Variants in FOXP2 observed in about 807,000 individuals in gnomAD.
FOXP2 encodes forkhead box protein P2.
Under a neutral mutation model 115.8 loss-of-function variants are expected in FOXP2, and 12 were observed. The ratio of observed to expected loss-of-function variants is 0.10; its 90% CI spans 0.07 to 0.17. FOXP2 has a LOEUF of 0.17. FOXP2 is among the 10% of genes least tolerant of loss of function. The pLI, the probability that FOXP2 is intolerant of heterozygous loss-of-function variation, is 1.00. For missense variants in FOXP2, 629 were observed against 843.5 expected (o/e 0.75, Z 3.15); for synonymous variants, 328 against 297.7 (o/e 1.10, Z -1.05).
At chr7:114,092,910 A>C (rs1053980739) in intron 1 of FOXP2, among the ~76,000 whole-genome samples, 1 of 152,060 alleles carries the variant, frequency 6.6e-6, no homozygotes, top group African/African-American at 2.4e-5. Flanking sequence ...TTCTATACAT[A>C]TAGTTTGTAC....
chr7:114,345,111 C>G (rs1165664242), intron 2 of FOXP2, among the ~76,000 whole-genome samples: 3 of 151,634 alleles, frequency 2.0e-5, no homozygotes, highest in African/African-American at 7.3e-5. Context: ...AATAGGGATA[C>G]TGAAAATACA....
chr7:114,654,029 T>C lies in FOXP2; in HGVS notation c.1266+20T>C, dbSNP rs754496142. The C allele has an allele frequency of 1.2e-6, 2 of 1,613,100 alleles. No individual in the cohort carries two copies. The highest frequency in any genetic ancestry group is 2.2e-5 in the South Asian group (2 of 91,076). ...AAACCTGTAAGTGCATATTGCTTTA[T>C]AAACAGTAAATAGCTCTACCAATGT... On this transcript the variant is annotated intron_variant, in intron 10 of 16. Transcript: ENST00000350908.
chr7:114,396,551 TA>T (rs1463483851), intron 2 of FOXP2, among the ~76,000 whole-genome samples: 1 of 152,118 alleles, frequency 6.6e-6, no homozygotes, highest in Non-Finnish European at 1.5e-5. Flanking sequence ...AATTTTTTTT[TA>T]GTAACTTCCA....
At chr7:114,439,298 T>C (rs1794494886) in intron 2 of FOXP2, among the ~76,000 whole-genome samples, 1 of 152,148 alleles carries the variant, frequency 6.6e-6, no homozygotes, top group Non-Finnish European at 1.5e-5. Context: ...ATTTCAGTCT[T>C]ATTTTATGAA....
In FOXP2 at chr7:114,163,539, G is replaced by A. The variant is rs75517131; in HGVS notation, c.-102+451G>A. Among the ~76,000 whole-genome samples the A allele has an allele frequency of 5.5e-3, 831 of 151,908 alleles. 6 individuals are homozygous for A. Among genetic ancestry groups the A allele is most frequent in the African/African-American group, 0.019 (774 of 41,432 alleles). On this transcript the variant is annotated intron_variant, in intron 1 of 17. Transcript: ENST00000634411. ...ATACATTAATTTCTTTATTCACTCC[G>A]TGTGGTGAAACTGAATTGAACTGAA... is the stretch of plus-strand genomic sequence containing the variant.
intron 1 of FOXP2, among the ~76,000 whole-genome samples, chr7:114,422,940 A>G (rs376107854): frequency 9.4e-4 from 142 of 151,836 alleles, no homozygotes; most frequent in Middle Eastern, 3.4e-3. Context: ...ATATCCTGCT[A>G]TTTGTACAAA....
At chr7:114,348,763 G>T (rs545335053) in intron 2 of FOXP2, among the ~76,000 whole-genome samples, 86 of 152,200 alleles carry the variant, frequency 5.7e-4, no homozygotes, top group Non-Finnish European at 9.6e-4. Context: ...AACTTTGGAT[G>T]AAATTGTTAG....
chr7:114,140,163 C>T (rs982468709), intron 1 of FOXP2, among the ~76,000 whole-genome samples: 2 of 151,962 alleles, frequency 1.3e-5, no homozygotes, highest in Admixed American at 1.3e-4. Flanking sequence ...AATGTGCAAT[C>T]CTGCAGACTT....
chr7:114,386,829 T>C (rs996279107), intron 2 of FOXP2, among the ~76,000 whole-genome samples: 8 of 152,250 alleles, frequency 5.3e-5, no homozygotes, highest in African/African-American at 1.7e-4. Context: ...TTTAGTTTTC[T>C]TTTTTCATAT....
At chr7:114,118,181 T>A (rs1471624108) in intron 1 of FOXP2, among the ~76,000 whole-genome samples, 2 of 152,100 alleles carry the variant, frequency 1.3e-5, no homozygotes, top group Non-Finnish European at 2.9e-5. Flanking sequence ...TTATGAACAA[T>A]AATGGCAAAA....
chr7:114,499,051 G>C, intron 2 of FOXP2: 1 of 606,064 alleles, frequency 1.6e-6, no homozygotes, highest in Non-Finnish European at 3.0e-6. Flanking sequence ...TAGACCTACT[G>C]AATCAGAAAC....
At chr7:114,494,302 T>C (rs1171058761) in intron 2 of FOXP2, among the ~76,000 whole-genome samples, 1 of 152,206 alleles carries the variant, frequency 6.6e-6, no homozygotes, top group Non-Finnish European at 1.5e-5. Context: ...CAATTTTTGC[T>C]TCAAATTCAG....
chr7:114,388,407 T>TA (rs1554382235), intron 2 of FOXP2, among the ~76,000 whole-genome samples: 232 of 150,144 alleles, frequency 1.5e-3, no homozygotes, highest in Middle Eastern at 0.014. Context: ...TTTTTTTTTT[T>TA]AGTCTCTGAG....
chr7:114,375,177 C>T (rs1013797334), intron 2 of FOXP2, among the ~76,000 whole-genome samples: 1 of 152,070 alleles, frequency 6.6e-6, no homozygotes, highest in Non-Finnish European at 1.5e-5. Context: ...TCAGTTTATA[C>T]AGCATCATTA....
chr7:114,465,931 G>T (rs1795779863), intron 2 of FOXP2, among the ~76,000 whole-genome samples: 1 of 152,154 alleles, frequency 6.6e-6, no homozygotes, highest in African/African-American at 2.4e-5. Context: ...ATCTGTTGAG[G>T]CTCACTGCTA....
chr7:114,622,228 A>G (rs1031198843), intron 3 of FOXP2, among the ~76,000 whole-genome samples: 1 of 151,872 alleles, frequency 6.6e-6, no homozygotes, highest in African/African-American at 2.4e-5. Context: ...AGCCCTTCTA[A>G]GTGTAATTTT....
chr7:114,116,607 TAA>T (rs1003878014), intron 1 of FOXP2, among the ~76,000 whole-genome samples: 13 of 152,140 alleles, frequency 8.5e-5, no homozygotes, highest in Admixed American at 7.2e-4. Flanking sequence ...AAAATAGGGA[TAA>T]GAGTCAAAAA....
At position 114,267,773 on chromosome 7, in the gene FOXP2, AAAT is replaced by A. The variant is rs1472926499; in HGVS notation, c.-101-20243_-101-20241del. Among the ~76,000 whole-genome samples, 58 of 144,122 alleles carry A rather than the reference AAAT, an allele frequency of 4.0e-4. No individual in the cohort carries two copies. The South Asian group carries it at 0.01, about 25-fold the overall frequency. 94.5% of individuals were successfully genotyped at this position (144,122 alleles called of 152,430 possible). On this transcript the variant is annotated intron_variant, in intron 1 of 17. Coordinates refer to the FOXP2 transcript ENST00000634411. ...TAAATAAATAAATAAATAAATAAAT[AAAT>A]AAATAAAATAAATATATATGTATAT...
At chr7:114,177,825 G>A (rs1486167929) in intron 1 of FOXP2, among the ~76,000 whole-genome samples, 1 of 151,810 alleles carries the variant, frequency 6.6e-6, no homozygotes, top group African/African-American at 2.4e-5. Context: ...CTTAAAACCT[G>A]TTCTCTTAGC....
Sources: gnomAD v4.1 joint callset for allele counts (sites outside exome capture counted in the v4.1 genomes callset) on GRCh38, gnomAD v4.1.1 for gene constraint, MANE v1.5 for transcripts, NCBI Gene and HGNC (gene_info 2026-07-23, HGNC 2026-07-21) for gene names.